Variants in ULK3 observed in about 807,000 individuals in gnomAD.
The protein encoded by ULK3 is unc-51 like kinase 3.
ULK3 carries 54 observed loss-of-function variants against 69.4 expected under a neutral mutation model. The observed-to-expected ratio is 0.78, with a 90% CI of 0.63 to 0.98. The LOEUF (loss-of-function observed/expected upper bound fraction) is 0.98, where lower values mean the gene tolerates loss of function less well. Among genes scored for constraint, ULK3 ranks in the 50% least tolerant of loss-of-function variants. ULK3 has a pLI of 0.00. For missense variants in ULK3, 558 were observed against 627.7 expected (o/e 0.89, Z 1.19); for synonymous variants, 240 against 254.5 (o/e 0.94, Z 0.54).
In ULK3 at chr15:74,840,293, A is replaced by G. The variant is rs200910015; in HGVS notation, c.637T>C (p.Phe213Leu). 7.1e-5 allele frequency: 115 copies of G among 1,610,662 alleles called. No homozygotes were observed. Among genetic ancestry groups the G allele is most frequent in the Admixed American group, 6.5e-4 (39 of 59,576 alleles). ...AGCTCCGAGAACGACCTGGAGGCAA[A>G]GGGGGGCTGCCCGAAGAGGGCTTCT... is the stretch of plus-strand genomic sequence containing the variant. ...LYEALFGQPP[F>L]ASRSFSELEE... Residue 213 changes from phenylalanine (F) to leucine (L), a missense_variant, in exon 6 of 16, where the codon TTT (phenylalanine) becomes CTT (leucine). Transcript: ENST00000440863.
chr15:74,842,192 C>A lies in ULK3; in HGVS notation c.247G>T (p.Asp83Tyr), dbSNP rs1379152119. The A allele has an allele frequency of 1.1e-5, 18 of 1,613,892 alleles. No homozygotes were observed. The highest frequency in any genetic ancestry group is 1.4e-5 in the Non-Finnish European group (17 of 1,179,908). The change falls in exon 3 of 16, where the codon GAC (aspartate) becomes TAC (tyrosine). Residue 83 changes from aspartate to tyrosine, a missense_variant. Physicochemically the swap from Asp to Tyr is radical, Grantham distance 160. Transcript: ENST00000440863. This position sits in a 1 kb window ranked among gnomAD's most constrained non-coding sequence, Gnocchi z 4.9. ...HIVQLKDFQWDSDNIYLIMEF... is the reference protein window; with the variant it reads ...HIVQLKDFQWYSDNIYLIMEF... ...ATGATGAGGTAGATATTGTCACTGT[C>A]CCACTGTGTTTAGAGGCAGAGAGGC...
In ULK3 at chr15:74,842,726, T is replaced by C. The variant is rs2064307034; in HGVS notation, c.102+278A>G. ...CACTCAGGGTTCTAGAACCGCCCACTCTGCCTCCCAACTGGCTCCAGTCCC... is the reference window on the plus strand; with the variant it reads ...CACTCAGGGTTCTAGAACCGCCCACCCTGCCTCCCAACTGGCTCCAGTCCC... On this transcript the variant is annotated intron_variant, in intron 1 of 15. Transcript: ENST00000440863. The surrounding 1 kb of genome is among the most constrained non-coding windows in gnomAD (Gnocchi z 4.9). 5 of 1,520,626 alleles carry C rather than the reference T, an allele frequency of 3.3e-6. No homozygotes were observed. In the South Asian group the frequency reaches 6.0e-5, roughly 18 times the overall value. The allele number at this position is 1,520,626 out of a possible 1,614,324, so 94.2% of individuals were successfully genotyped here. A position where few individuals can be genotyped will look rare whatever the true frequency, so the allele number is the denominator to read the frequency against.
In ULK3 at chr15:74,839,684, G is replaced by A. The variant is rs1421913247; in HGVS notation, c.726C>T (p.Asp242=). 1 of 1,553,856 alleles carries A rather than the reference G, an allele frequency of 6.4e-7. No homozygotes were observed. Among genetic ancestry groups the A allele is most frequent in the South Asian group, 1.2e-5 (1 of 84,018 alleles). ...GGAGCCGCTGCAGTAGGTCCCGGCA[G>A]TCTCGGGAGAGCAGGGGCCGCAAGG... ...ELPLRPLLSR[D]CRDLLQRLLE... is the part of the protein sequence containing the mutation. The change falls in exon 7 of 16, where the codon GAC becomes GAT. Residue 242 remains aspartate (D), a synonymous_variant. Transcript: ENST00000440863.
Position 74,842,920 on chromosome 15 carries a change from A to C in ULK3, c.102+84T>G. On this transcript the variant is annotated intron_variant, in intron 1 of 15. Coordinates refer to ENST00000440863, the MANE Select transcript of ULK3 (RefSeq NM_001099436.4). This position sits in a 1 kb window ranked among gnomAD's most constrained non-coding sequence, Gnocchi z 4.9. ...GCCTCCCGCCCCTAACTATTCCCAC[A>C]CTGTCGCTAACCTCTCAGAGTCTCC... The C allele has an allele frequency of 6.9e-7, 1 of 1,439,072 alleles. No individual in the cohort carries two copies. The allele number at this position is 1,439,072 out of a possible 1,614,324, so 89.1% of individuals were successfully genotyped here. A position where few individuals can be genotyped will look rare whatever the true frequency, so the allele number is the denominator to read the frequency against.
chr15:74,840,199 C>A (rs774331116), intron 6 of ULK3, 35 bp downstream of exon 6: 1 of 1,579,346 alleles, frequency 6.3e-7, no homozygotes, highest in South Asian at 1.2e-5. Context: ...ACTCCCTCTG[C>A]CCCCCAGTGG....
rs557023057 is a variant in ULK3 at position 74,837,409 on chromosome 15, G to A, written c.1362C>T (p.Asp454=). 2.0e-5 allele frequency: 33 copies of A among 1,612,940 alleles called. No individual in the cohort carries two copies. Among genetic ancestry groups the A allele is most frequent in the Non-Finnish European group, 2.7e-5 (32 of 1,179,514 alleles). Residue 454 remains aspartate, a synonymous_variant, in exon 15 of 16, where the codon GAC becomes GAT. Transcript: ENST00000440863. The part of the protein sequence containing the change: ...VKMRESRWEA[D]TLDKEGLSES... ...CCGACAGTCCCTCTTTGTCCAGGGT[G>A]TCAGCTTCCCAGCGAGATTCCCTCA... is the stretch of plus-strand genomic sequence containing the variant.
rs1040903439 is a variant in ULK3, at chr15:74,836,385, G to A, written c.*843C>T. On this transcript the variant is annotated 3_prime_UTR_variant, in exon 16 of 16. Transcript: ENST00000440863. The surrounding 1 kb of genome is among the most constrained non-coding windows in gnomAD (Gnocchi z 4.0). ...GAGACCCAGGCCCAGAAAGGGGAAA[G>A]AGCTTGCCCAGGGCTCCACGGCGGC... 6.6e-6 allele frequency: 1 copy of A among 152,302 alleles called. No homozygotes were observed. The highest frequency in any genetic ancestry group is 1.5e-5 in the Non-Finnish European group (1 of 68,104). 9.4% of individuals were successfully genotyped at this position (152,302 alleles called of 1,614,324 possible).
intron 3 of ULK3, among the ~76,000 whole-genome samples, chr15:74,841,847 G>A (rs541597800): frequency 5.5e-4 from 84 of 152,320 alleles, no homozygotes; most frequent in Admixed American, 1.8e-3. Flanking sequence ...CTTATATTAT[G>A]TTCTATGTAT....
chr15:74,839,813 A>G, intron 6 of ULK3, 100 bp from the exon 7 acceptor site: 1 of 1,414,496 alleles, frequency 7.1e-7, no homozygotes. Flanking sequence ...CGCGTTGGAC[A>G]GGTGGGGAAT....
chr15:74,838,281 G>A lies in ULK3; in HGVS notation c.1231C>T (p.Leu411=), dbSNP rs1200257099. ...GGGCCCTCACCTGCCAGCAACAGCA[G>A]TAGCTCCCCCAGGCTGTGCTGGTAC... ...DLYQHSLGEL[L]LLLAAEPPGR... Residue 411 remains leucine, a synonymous_variant, in exon 12 of 16, where the codon CTG becomes TTG. Transcript: ENST00000440863. 2.6e-6 allele frequency: 4 copies of A among 1,562,104 alleles called. No individual in the cohort carries two copies. The South Asian group carries it at 3.5e-5, about 14-fold the overall frequency.
chr15:74,841,378 C>T, intron 4 of ULK3, 27 bp downstream of exon 4: 1 of 1,601,164 alleles, frequency 6.2e-7, no homozygotes. Flanking sequence ...CTCTCCAAAC[C>T]TCATCCCTGC....
chr15:74,838,612 G>A (rs980410639), intron 10 of ULK3, 31 bp downstream of exon 10: 7 of 1,595,636 alleles, frequency 4.4e-6, no homozygotes, highest in Non-Finnish European at 6.0e-6. Context: ...TTTGCTGGGG[G>A]CCCTGGGGTC....
chr15:74,837,379 A>G lies in ULK3; in HGVS notation c.1392T>C (p.Ser464=), dbSNP rs1226183941. 2 of 1,613,182 alleles carry G rather than the reference A, an allele frequency of 1.2e-6. No individual in the cohort carries two copies. Among genetic ancestry groups the G allele is most frequent in the Middle Eastern group, 1.7e-4 (1 of 6,058 alleles). The change falls in exon 15 of 16, where the codon TCT becomes TCC. Residue 464 remains serine, a synonymous_variant. Coordinates refer to ENST00000440863, the MANE Select transcript of ULK3 (RefSeq NM_001099436.4). ...DTLDKEGLSE[S]VRSSCTLQ ...CAGGGCAGGACTCACAGCTACGAAC[A>G]GATTCCGACAGTCCCTCTTTGTCCA...
At position 74,842,695 on chromosome 15, in the gene ULK3, G is replaced by A. The variant is rs569221126; in HGVS notation, c.103-275C>T. 2.5e-5 allele frequency: 39 copies of A among 1,534,088 alleles called. No homozygotes were observed. The African/African-American group carries it at 5.1e-4, about 20-fold the overall frequency. ...GCATTCTGGAGTGCTCCCGGCAGAG[G>A]CATGTCACTCAGGGTTCTAGAACCG... On this transcript the variant is annotated intron_variant, in intron 1 of 15. Transcript: ENST00000440863. This position sits in a 1 kb window ranked among gnomAD's most constrained non-coding sequence, Gnocchi z 4.9.
Position 74,836,986 on chromosome 15 carries a change from G to C in ULK3, c.*242C>G. 1 of 466,400 alleles carries C rather than the reference G, an allele frequency of 2.1e-6. No individual in the cohort carries two copies. The highest frequency in any genetic ancestry group is 5.9e-5 in the South Asian group (1 of 17,026). 28.9% of individuals were successfully genotyped at this position (466,400 alleles called of 1,614,324 possible). A position where few individuals can be genotyped will look rare whatever the true frequency, so the allele number is the denominator to read the frequency against. On this transcript the variant is annotated 3_prime_UTR_variant, in exon 16 of 16. Transcript: ENST00000440863. The surrounding 1 kb of genome is among the most constrained non-coding windows in gnomAD (Gnocchi z 4.0). ...ACCGAGTAACAAAGGTCTCATGAAA[G>C]AAGTGCTGTTCTCCCAGAGTCCTGC... is the stretch of plus-strand genomic sequence containing the variant.
chr15:74,838,447 A>G lies in ULK3; in HGVS notation c.1160T>C (p.Met387Thr), dbSNP rs761140019. The change falls in exon 11 of 16, where the codon ATG becomes ACG. Residue 387 changes from methionine (M) to threonine (T), a missense_variant. By Grantham distance (81) the Met-to-Thr change is moderately conservative. Coordinates refer to ENST00000440863, the MANE Select transcript of ULK3 (RefSeq NM_001099436.4). ...LAALEVASAAMAKEEAAGGEQ... is the reference protein window; with the variant it reads ...LAALEVASAATAKEEAAGGEQ... The stretch of plus-strand genomic sequence containing the variant: ...CCTCCCACTGGCACAAACCTTGGCC[A>G]TGGCAGCTGAAGCCACTTCCAGGGC... The G allele has an allele frequency of 3.2e-6, 5 of 1,576,306 alleles. No homozygotes were observed. In the East Asian group the frequency reaches 9.4e-5, roughly 30 times the overall value.
rs1470858071 is a variant in ULK3, at chr15:74,839,380, A to T, written c.853-7T>A. Reference sequence around the variant, plus strand: ...CCTGCACCACCAGGGCGGTCTGGGGATGGGCAGATCAGGGGTCAGGTCCAC... The same window carrying T: ...CCTGCACCACCAGGGCGGTCTGGGGTTGGGCAGATCAGGGGTCAGGTCCAC... On this transcript the variant is annotated splice_polypyrimidine_tract_variant and splice_region_variant and intron_variant, in intron 7 of 15. Transcript: ENST00000440863. The T allele has an allele frequency of 1.0e-5, 16 of 1,557,046 alleles. No homozygotes were observed. The highest frequency in any genetic ancestry group is 1.4e-5 in the Non-Finnish European group (16 of 1,150,082).
At position 74,838,926 on chromosome 15, in the gene ULK3, T is replaced by C. The variant is rs905139197; in HGVS notation, c.999+84A>G. 7.2e-6 allele frequency: 11 copies of C among 1,525,914 alleles called. No homozygotes were observed. In the African/African-American group the frequency reaches 1.4e-4, roughly 19 times the overall value. The allele number at this position is 1,525,914 out of a possible 1,614,324, so 94.5% of individuals were successfully genotyped here. A position where few individuals can be genotyped will look rare whatever the true frequency, so the allele number is the denominator to read the frequency against. On this transcript the variant is annotated intron_variant, in intron 9 of 15. Coordinates refer to ENST00000440863, the MANE Select transcript of ULK3 (RefSeq NM_001099436.4). ...GTTGCAGGAGAGGAAGTTCCAATTCTAAGAGAGCCATTCCCCAGAGGCCCC... is the reference window on the plus strand; with the variant it reads ...GTTGCAGGAGAGGAAGTTCCAATTCCAAGAGAGCCATTCCCCAGAGGCCCC...
intron 7 of ULK3, 21 bp downstream of exon 7, chr15:74,839,537 C>T: frequency 3.2e-6 from 5 of 1,548,078 alleles, no homozygotes; most frequent in Non-Finnish European, 3.5e-6. Flanking sequence ...CAGCCCACCC[C>T]AGCCCCAGCC....
Sources: allele counts gnomAD v4.1 joint callset (sites outside exome capture counted in the v4.1 genomes callset), GRCh38; gene constraint gnomAD v4.1.1; non-coding constraint Gnocchi (gnomAD v3.1); transcripts MANE v1.5; gene names NCBI Gene and HGNC (gene_info 2026-07-23, HGNC 2026-07-21).